Variants in PKP2 observed in about 807,000 individuals in gnomAD.
PKP2 encodes plakophilin 2.
Under a neutral mutation model 83.4 loss-of-function variants are expected in PKP2, and 73 were observed. The ratio of observed to expected loss-of-function variants is 0.88; its 90% CI spans 0.72 to 1.06. The LOEUF (loss-of-function observed/expected upper bound fraction) is 1.06. Ranked by LOEUF, PKP2 falls within the 50% of genes least tolerant of loss-of-function variation. The pLI, the probability that PKP2 is intolerant of heterozygous loss-of-function variation, is 0.00. For missense variants in PKP2, 966 were observed against 1,065.4 expected (o/e 0.91, Z 1.30); for synonymous variants, 409 against 430.4 (o/e 0.95, Z 0.62).
At chr12:32,813,695 T>A (rs1440194407) in intron 9 of PKP2, among the ~76,000 whole-genome samples, 1 of 151,288 alleles carries the variant, frequency 6.6e-6, no homozygotes, top group Non-Finnish European at 1.5e-5. Flanking sequence ...TGGGAGAGAA[T>A]CACTTGAACC....
chr12:32,857,697 T>C (rs1565592470), intron 4 of PKP2, among the ~76,000 whole-genome samples: 1 of 152,140 alleles, frequency 6.6e-6, no homozygotes, highest in Non-Finnish European at 1.5e-5. Context: ...TTTTTAGGTT[T>C]GCATATAATT....
rs746432359 is a variant in PKP2, at chr12:32,878,556, G to T, written c.337-13C>A. Reference sequence around the variant, plus strand: ...CAGTTGTGCCAGCCTGCACATGAGAGAAATAAAGTTTAAAGGGGGCATAAA... The same window carrying T: ...CAGTTGTGCCAGCCTGCACATGAGATAAATAAAGTTTAAAGGGGGCATAAA... On this transcript the variant is annotated splice_polypyrimidine_tract_variant and intron_variant, in intron 2 of 12. Transcript: ENST00000340811. 1 of 1,604,256 alleles carries T rather than the reference G, an allele frequency of 6.2e-7. No individual in the cohort carries two copies. The highest frequency in any genetic ancestry group is 8.5e-7 in the Non-Finnish European group (1 of 1,174,424).
At position 32,878,166 on chromosome 12, in the gene PKP2, C is replaced by G; in HGVS notation, c.714G>C (p.Pro238=). 6.2e-7 allele frequency: 1 copy of G among 1,614,188 alleles called. No homozygotes were observed. Among genetic ancestry groups the G allele is most frequent in the Non-Finnish European group, 8.5e-7 (1 of 1,180,044 alleles). Residue 238 remains proline (P), a synonymous_variant, in exon 3 of 13, where the codon CCG becomes CCC. Coordinates refer to ENST00000340811, the MANE Select transcript of PKP2 (RefSeq NM_001005242.3). ...CTGGCCTGGGGTACGTGAGCAGGGC[C>G]GGGTTGGCAGGGATGCTGTCAAAAA... ...DTVFDSIPAN[P]ALLTYPRPGT... is the part of the protein sequence containing the mutation.
chr12:32,888,656 A>AT (rs35808192), intron 1 of PKP2, among the ~76,000 whole-genome samples: 88,980 of 151,234 alleles, frequency 0.59, 27,299 homozygotes, highest in Non-Finnish European at 0.71. Flanking sequence ...CGCCCAGCTT[A>AT]TTTTTTCTGT....
At chr12:32,885,668 C>G (rs1035375596) in intron 1 of PKP2, among the ~76,000 whole-genome samples, 9 of 150,780 alleles carry the variant, frequency 6.0e-5, no homozygotes, top group African/African-American at 1.5e-4. Context: ...CGTCCCCCCC[C>G]CAAAAAAAAA....
At chr12:32,825,544 G>C (rs189163352) in intron 6 of PKP2, among the ~76,000 whole-genome samples, 1 of 152,256 alleles carries the variant, frequency 6.6e-6, no homozygotes, top group Admixed American at 6.5e-5. Flanking sequence ...ATGTGTTAGT[G>C]TCATTCTGAA....
At chr12:32,815,379 A>C (rs1172292519) in intron 9 of PKP2, among the ~76,000 whole-genome samples, 1 of 152,102 alleles carries the variant, frequency 6.6e-6, no homozygotes, top group African/African-American at 2.4e-5. Flanking sequence ...CAACTCTCCT[A>C]AACTGCCTAT....
intron 10 of PKP2, among the ~76,000 whole-genome samples, chr12:32,797,402 C>T (rs929947666): frequency 5.5e-5 from 7 of 127,178 alleles, no homozygotes; most frequent in Non-Finnish European, 7.8e-5. Context: ...GCAGAGATCA[C>T]GCCACTATTC....
intron 3 of PKP2, among the ~76,000 whole-genome samples, chr12:32,870,540 C>A (rs1956886905): frequency 6.6e-6 from 1 of 151,958 alleles, no homozygotes; most frequent in Admixed American, 6.6e-5. Flanking sequence ...CAGGCTATTA[C>A]CACTAAAACT....
chr12:32,825,450 C>A (rs983726906), intron 6 of PKP2, among the ~76,000 whole-genome samples: 1 of 152,028 alleles, frequency 6.6e-6, no homozygotes, highest in African/African-American at 2.4e-5. Context: ...GGATTACAGG[C>A]GTGAGCTACC....
At chr12:32,812,112 GT>G (rs10581524) in intron 9 of PKP2, among the ~76,000 whole-genome samples, 22,023 of 126,818 alleles carry the variant, frequency 0.17, 1,951 homozygotes, top group East Asian at 0.53. Flanking sequence ...AGCTGGGAGG[GT>G]TTTTTTTTTT....
chr12:32,821,866 G>A, intron 8 of PKP2: 1 of 319,114 alleles, frequency 3.1e-6, no homozygotes, highest in Non-Finnish European at 5.9e-6. Flanking sequence ...CTGTAGATAA[G>A]AAAAACAGGC....
intron 11 of PKP2, among the ~76,000 whole-genome samples, chr12:32,794,340 C>T (rs966258176): frequency 1.3e-5 from 2 of 152,166 alleles, no homozygotes; most frequent in African/African-American, 4.8e-5. Flanking sequence ...ACTTGGTACT[C>T]TTTTATTCAA....
At chr12:32,858,093 ATATATATATATATATATATATATT>A in intron 4 of PKP2, among the ~76,000 whole-genome samples, 1 of 79,780 alleles carries the variant, frequency 1.3e-5, no homozygotes, top group East Asian at 2.5e-4. Flanking sequence ...AAATATATAT[ATATATATATATATATATATATATT>A]TATATATATT....
intron 5 of PKP2, among the ~76,000 whole-genome samples, chr12:32,844,856 TAAAAAAAGATTCCAGTTTGGGCATGAGG>T (rs1159712848): frequency 6.6e-6 from 1 of 152,138 alleles, no homozygotes; most frequent in African/African-American, 2.4e-5. Context: ...ACTTATATTT[TAAAAAAAGATTCCAGTTTGGGCATGAGG>T]AAACCAATAG....
intron 6 of PKP2, among the ~76,000 whole-genome samples, chr12:32,826,305 C>CAAAAAA (rs71068338): frequency 5.9e-5 from 5 of 84,676 alleles, no homozygotes; most frequent in Non-Finnish European, 9.4e-5. Context: ...GACACCGTCT[C>CAAAAAA]AAAAAAAAAA....
At chr12:32,858,382 A>G (rs953006452) in intron 4 of PKP2, among the ~76,000 whole-genome samples, 3 of 151,842 alleles carry the variant, frequency 2.0e-5, no homozygotes, top group African/African-American at 7.3e-5. Flanking sequence ...CTATTAAAGG[A>G]TCAATATTCA....
chr12:32,812,862 T>C lies in PKP2; in HGVS notation c.2013+8494A>G, dbSNP rs1440254604. 5.9e-5 allele frequency among the ~76,000 whole-genome samples: 9 copies of C among 152,348 alleles called. 1 individual carries two copies. The South Asian group carries it at 1.9e-3, about 32-fold the overall frequency. On this transcript the variant is annotated intron_variant, in intron 9 of 12. Transcript: ENST00000340811. ...ATTTCCATACAAATGACTTGCCAAT[T>C]GACTTTCTGTAACCCACTTATAAGT...
At chr12:32,829,811 C>A (rs150952292) in intron 6 of PKP2, among the ~76,000 whole-genome samples, 1,982 of 152,192 alleles carry the variant, frequency 0.013, 40 homozygotes, top group African/African-American at 0.041. Flanking sequence ...CAAGTGTGTG[C>A]CACTGCGCCC....
Sources: allele counts gnomAD v4.1 joint callset (sites outside exome capture counted in the v4.1 genomes callset), GRCh38; gene constraint gnomAD v4.1.1; transcripts MANE v1.5; gene names NCBI Gene and HGNC (gene_info 2026-07-23, HGNC 2026-07-21).